DNAH1: variants seen among roughly 807,000 people sequenced by gnomAD.
The protein encoded by DNAH1 is dynein axonemal heavy chain 1.
Under a neutral mutation model 484.3 loss-of-function variants are expected in DNAH1, and 327 were observed. The ratio of observed to expected loss-of-function variants is 0.68; its 90% CI spans 0.62 to 0.74. The LOEUF (loss-of-function observed/expected upper bound fraction) is 0.74, where lower values mean the gene tolerates loss of function less well. DNAH1 is among the 30% of genes least tolerant of loss of function. The pLI is 0.00. For missense variants in DNAH1, 5,052 were observed against 5,546.8 expected, an observed-to-expected ratio of 0.91 and a Z score of 2.83; for synonymous variants, 2,192 against 2,191.9, an observed-to-expected ratio of 1.00 and a Z score of 0.00.
chr3:52,373,439 G>A (rs925645378), intron 44 of DNAH1, among the ~76,000 whole-genome samples: 2 of 152,258 alleles, frequency 1.3e-5, no homozygotes, highest in African/African-American at 4.8e-5. Context: ...CAAAAGCAGG[G>A]AAGAGTGGAA....
At chr3:52,372,831 C>T (rs1703403583) in intron 43 of DNAH1, 65 bp from the exon 44 acceptor site, 8 of 1,542,104 alleles carry the variant, frequency 5.2e-6, no homozygotes, top group African/African-American at 2.8e-5. Flanking sequence ...GCCACCCGTT[C>T]GCCCCTGGAT....
intron 67 of DNAH1, 80 bp from the exon 68 acceptor site, chr3:52,394,835 G>A: frequency 1.3e-5 from 20 of 1,557,134 alleles, no homozygotes; most frequent in Non-Finnish European, 1.7e-5. Flanking sequence ...CTCCCCAGCT[G>A]TCCGGCTGGC....
At chr3:52,389,003 G>C in intron 59 of DNAH1, 66 bp downstream of exon 59, 1 of 1,495,100 alleles carries the variant, frequency 6.7e-7, no homozygotes. Context: ...CCCCCTTGAG[G>C]CCTCGCCTCC....
chr3:52,391,159 C>CTT lies in DNAH1; in HGVS notation c.9742-17_9742-16dup. The CTT allele has an allele frequency of 6.2e-7, 1 of 1,613,534 alleles. No individual in the cohort carries two copies. Among genetic ancestry groups the CTT allele is most frequent in the Non-Finnish European group, 8.5e-7 (1 of 1,179,558 alleles). On this transcript the variant is annotated intron_variant, in intron 61 of 77. Transcript: ENST00000420323. ...TGGCTCTCAGTCCCTGCAACCCCTT[C>CTT]TTTTCCCCTTCCCTTACAGGAGAAG...
intron 8 of DNAH1, among the ~76,000 whole-genome samples, chr3:52,334,910 G>A (rs1210265939): frequency 1.3e-5 from 2 of 150,376 alleles, no homozygotes; most frequent in Non-Finnish European, 3.0e-5. Flanking sequence ...GTGCAGTGGC[G>A]TGATCTCTGC....
intron 8 of DNAH1, 85 bp from the exon 9 acceptor site, chr3:52,344,405 C>T (rs767921798): frequency 3.9e-6 from 6 of 1,527,158 alleles, no homozygotes; most frequent in Non-Finnish European, 5.3e-6. Context: ...GTCCCCAGGT[C>T]CATGCCAGAG....
In DNAH1 at chr3:52,327,910, G is replaced by A. The variant is rs200017350; in HGVS notation, c.767G>A (p.Arg256Gln). ...KVFDNEDFDC[R>Q]TPREWINMGL... ...TTTGACAATGAGGACTTTGACTGCC[G>A]GACTCCCAGAGAGTGGATCAACATG... The change falls in exon 6 of 78, where the codon CGG becomes CAG. Residue 256 changes from arginine to glutamine, a missense_variant. Physicochemically the swap from Arg to Gln is conservative, Grantham distance 43. Around this residue, in one of 4 missense-constraint regions of DNAH1, gnomAD observed 1,263 missense variants for 1,218.8 expected, o/e 1.04. Transcript: ENST00000420323. The A allele has an allele frequency of 6.9e-5, 112 of 1,613,838 alleles. No homozygotes were observed. Among genetic ancestry groups the A allele is most frequent in the East Asian group, 4.9e-4 (22 of 44,882 alleles).
At chr3:52,383,790 C>A in intron 51 of DNAH1, 70 bp from the exon 52 acceptor site, 1 of 1,500,504 alleles carries the variant, frequency 6.7e-7, no homozygotes, top group South Asian at 1.3e-5. Flanking sequence ...TGTGCAAGGG[C>A]CCTGGGTCCT....
intron 1 of DNAH1, among the ~76,000 whole-genome samples, chr3:52,317,391 A>AATG (rs575950116): frequency 6.6e-6 from 1 of 152,138 alleles, no homozygotes; most frequent in South Asian, 2.1e-4. Context: ...GTCACCGTGC[A>AATG]ATGGGTGGGT....
intron 44 of DNAH1, chr3:52,374,032 T>C: frequency 7.9e-6 from 8 of 1,016,916 alleles, no homozygotes; most frequent in African/African-American, 1.6e-5. Flanking sequence ...CGAAGAAATA[T>C]ATTGATCAGA....
chr3:52,382,446 A>C lies in DNAH1; in HGVS notation c.7932A>C (p.Ser2644=), dbSNP rs767930538. 6 of 1,613,800 alleles carry C rather than the reference A, an allele frequency of 3.7e-6. No individual in the cohort carries two copies. In the South Asian group the frequency reaches 5.5e-5, roughly 15 times the overall value. Residue 2644 remains serine (S), a synonymous_variant, in exon 50 of 78, where the codon TCA becomes TCC. Transcript: ENST00000420323. ...ACCTACCCATCACCTTCCTCTTCTC[A>C]GACACCCAGGTGCCACTGCCACAGC... ...LQNLPITFLF[S]DTQIKNESFL... is the part of the protein sequence containing the mutation.
At chr3:52,374,411 A>G in intron 44 of DNAH1, 1 of 1,307,376 alleles carries the variant, frequency 7.6e-7, no homozygotes, top group Non-Finnish European at 1.1e-6. Flanking sequence ...CCACAGAACC[A>G]GTGGTGATGA....
chr3:52,395,365 G>C lies in DNAH1; in HGVS notation c.11026G>C (p.Val3676Leu). Reference sequence around the variant, plus strand: ...CAACTCCACCACACCCCTCATCTTTGTGCTGTCACCCGGCACAGACCCTGC... The same window carrying C: ...CAACTCCACCACACCCCTCATCTTTCTGCTGTCACCCGGCACAGACCCTGC... ...DSNSTTPLIF[V>L]LSPGTDPAAD... The change falls in exon 69 of 78, where the codon GTG becomes CTG. Residue 3676 changes from valine to leucine, a missense_variant. Coordinates refer to ENST00000420323, the MANE Select transcript of DNAH1 (RefSeq NM_015512.5). The surrounding 1 kb of genome is among the most constrained non-coding windows in gnomAD (Gnocchi z 4.4). 1 of 1,613,832 alleles carries C rather than the reference G, an allele frequency of 6.2e-7. No individual in the cohort carries two copies.
At chr3:52,374,134 A>C (rs1417603641) in intron 44 of DNAH1, 6 of 1,202,754 alleles carry the variant, frequency 5.0e-6, no homozygotes, top group Non-Finnish European at 7.4e-6. Flanking sequence ...TCTATGGGAA[A>C]TTCCTAGGCT....
Position 52,319,151 on chromosome 3 carries a change from G to C in DNAH1, c.-35+2606G>C, listed in dbSNP as rs182839052. On this transcript the variant is annotated intron_variant, in intron 1 of 77. Transcript: ENST00000420323. ...ACTTTCCTGGGCCCTAGTTTCCTCAGCTGTAAATTGGCAATAATAGTAGTA... is the reference window on the plus strand; with the variant it reads ...ACTTTCCTGGGCCCTAGTTTCCTCACCTGTAAATTGGCAATAATAGTAGTA... 9.2e-5 allele frequency among the ~76,000 whole-genome samples: 14 copies of C among 152,338 alleles called. 1 individual carries two copies. The East Asian group carries it at 2.5e-3, about 27-fold the overall frequency.
rs1702704061 is a variant in DNAH1, at chr3:52,358,331, A to G, written c.4087-227A>G. On this transcript the variant is annotated intron_variant, in intron 24 of 77. Transcript: ENST00000420323. The surrounding 1 kb of genome is among the most constrained non-coding windows in gnomAD (Gnocchi z 4.2). The stretch of plus-strand genomic sequence containing the variant: ...TGCAAGGCAGTCAGCCTCCTTCCCT[A>G]AAGCCTGCTTCATGCCGGGCCTGGG... Among the ~76,000 whole-genome samples, 1 of 152,032 alleles carries G rather than the reference A, an allele frequency of 6.6e-6. No homozygotes were observed. The highest frequency in any genetic ancestry group is 6.5e-5 in the Admixed American group (1 of 15,268).
At chr3:52,331,947 C>T (rs1346258592) in intron 7 of DNAH1, among the ~76,000 whole-genome samples, 195 bp from the exon 8 acceptor site, 3 of 152,130 alleles carry the variant, frequency 2.0e-5, no homozygotes, top group Admixed American at 6.5e-5. Flanking sequence ...CTTTCACATC[C>T]GTCCATGACA....
At chr3:52,357,110 C>T (rs1254005611) in intron 22 of DNAH1, among the ~76,000 whole-genome samples, 2 of 150,876 alleles carry the variant, frequency 1.3e-5, no homozygotes, top group Non-Finnish European at 2.9e-5. Context: ...TCTCGGCTCA[C>T]TGCAACCTTC....
chr3:52,386,317 G>T lies in DNAH1; in HGVS notation c.8783G>T (p.Arg2928Leu). 1 of 1,592,248 alleles carries T rather than the reference G, an allele frequency of 6.3e-7. No individual in the cohort carries two copies. The highest frequency in any genetic ancestry group is 1.3e-5 in the African/African-American group (1 of 74,432). ...CTGGATGCGGCTCTGGCCAGCCTGC[G>T]CAACCTCAACAAGAACGATGTGACC... ...PALDAALASL[R>L]NLNKNDVTEV... is the part of the protein sequence containing the mutation. The change falls in exon 55 of 78, where the codon CGC (arginine) becomes CTC (leucine). Residue 2928 changes from arginine (R) to leucine (L), a missense_variant. Physicochemically the swap from Arg to Leu is moderately radical, Grantham distance 102 (BLOSUM62 -2). Coordinates refer to ENST00000420323, the MANE Select transcript of DNAH1 (RefSeq NM_015512.5).
Sources: allele counts gnomAD v4.1 joint callset (sites outside exome capture counted in the v4.1 genomes callset), GRCh38; gene constraint gnomAD v4.1.1; regional missense constraint gnomAD v4.1.1; non-coding constraint Gnocchi (gnomAD v3.1); transcripts MANE v1.5; gene names NCBI Gene and HGNC (gene_info 2026-07-23, HGNC 2026-07-21).